PDE4D: variants seen among roughly 807,000 people sequenced by gnomAD.
PDE4D encodes the protein phosphodiesterase 4D.
PDE4D carries 24 observed loss-of-function variants against 87.4 expected under a neutral mutation model. The ratio of observed to expected loss-of-function variants is 0.27; its 90% CI spans 0.20 to 0.39. The LOEUF (loss-of-function observed/expected upper bound fraction) is 0.39. Ranked by LOEUF, PDE4D falls within the 10% of genes least tolerant of loss-of-function variation. The pLI is 1.00. For missense variants in PDE4D, 714 were observed against 1,041.0 expected (o/e 0.69, Z 4.32); for synonymous variants, 384 against 383.2 (o/e 1.00, Z -0.02).
intron 1 of PDE4D, among the ~76,000 whole-genome samples, chr5:59,762,854 G>GATATTTAT (rs1762309365): frequency 1.9e-5 from 1 of 51,688 alleles, no homozygotes; most frequent in African/African-American, 7.3e-5. Context: ...ACTGCTTAAG[G>GATATTTAT]ATATATATAT....
chr5:59,387,199 G>T (rs1787251375), intron 1 of PDE4D, among the ~76,000 whole-genome samples: 1 of 152,052 alleles, frequency 6.6e-6, no homozygotes, highest in African/African-American at 2.4e-5. Flanking sequence ...ATTTAATAAA[G>T]TTTGGAATAT....
chr5:60,284,031 G>A (rs890583245), intron 1 of PDE4D, among the ~76,000 whole-genome samples: 9 of 152,130 alleles, frequency 5.9e-5, no homozygotes, highest in Admixed American at 1.3e-4. Context: ...CACAGTGAAC[G>A]GAAAGATGAG....
intron 1 of PDE4D, among the ~76,000 whole-genome samples, chr5:60,234,343 CTTG>C (rs1468616130): frequency 6.6e-6 from 1 of 151,748 alleles, no homozygotes; most frequent in Middle Eastern, 3.2e-3. Context: ...TGTCACCTCA[CTTG>C]TTGATAGGCA....
intron 3 of PDE4D, among the ~76,000 whole-genome samples, chr5:59,940,240 G>A (rs1285250082): frequency 6.6e-6 from 1 of 152,128 alleles, no homozygotes; most frequent in Admixed American, 6.5e-5. Flanking sequence ...CAGGAGTTTC[G>A]GTTTCTTTCC....
rs1554062040 is a variant in PDE4D at position 59,073,508 on chromosome 5, G to GGGGT, written c.809-34538_809-34537insACCC. On this transcript the variant is annotated intron_variant, in intron 5 of 14. Transcript: ENST00000340635. Reference sequence around the variant, plus strand: ...AGATACAGAAAATAAAGTGGGGGGCGGGGGGGGCGGGTGGTTGGAGATGAG... The same window carrying GGGGT: ...AGATACAGAAAATAAAGTGGGGGGCGGGGTGGGGGGGCGGGTGGTTGGAGATGAG... Among the ~76,000 whole-genome samples, 2 of 74,158 alleles carry GGGGT rather than the reference G, an allele frequency of 2.7e-5. 1 individual carries two copies. The highest frequency in any genetic ancestry group is 6.1e-5 in the Non-Finnish European group (2 of 32,686). 48.7% of individuals were successfully genotyped at this position (74,158 alleles called of 152,430 possible).
intron 5 of PDE4D, 72 bp from the exon 6 acceptor site, chr5:59,039,043 G>C: frequency 6.6e-7 from 1 of 1,522,566 alleles, no homozygotes; most frequent in Non-Finnish European, 8.8e-7. Context: ...TTCAAAGGGG[G>C]CCATCCTGCC....
chr5:59,536,856 G>A (rs1267748204), intron 1 of PDE4D, among the ~76,000 whole-genome samples: 1 of 151,896 alleles, frequency 6.6e-6, no homozygotes, highest in Non-Finnish European at 1.5e-5. Context: ...CACAAATTTG[G>A]TACAACCTAC....
At chr5:59,260,580 G>A (rs370588761) in intron 1 of PDE4D, among the ~76,000 whole-genome samples, 12 of 151,724 alleles carry the variant, frequency 7.9e-5, no homozygotes, top group African/African-American at 2.7e-4. Flanking sequence ...TTTGTGTATT[G>A]GAAATTTAGA....
At chr5:59,237,433 A>G (rs1756682354) in intron 1 of PDE4D, among the ~76,000 whole-genome samples, 1 of 152,130 alleles carries the variant, frequency 6.6e-6, no homozygotes, top group Non-Finnish European at 1.5e-5. Context: ...ATTTTTTGTC[A>G]ACCCATTTTA....
intron 1 of PDE4D, among the ~76,000 whole-genome samples, chr5:60,374,107 T>C (rs965047881): frequency 6.6e-6 from 1 of 152,178 alleles, no homozygotes; most frequent in African/African-American, 2.4e-5. Context: ...TTCCTTTCCT[T>C]GAAAGATACA....
intron 1 of PDE4D, among the ~76,000 whole-genome samples, chr5:59,399,227 A>G (rs1252573361): frequency 7.4e-6 from 1 of 134,876 alleles, no homozygotes; most frequent in Non-Finnish European, 1.7e-5. Context: ...ATTGGAAAAA[A>G]CTACTTTAAA....
chr5:59,968,019 T>A (rs898868986), intron 3 of PDE4D, among the ~76,000 whole-genome samples: 9 of 143,630 alleles, frequency 6.3e-5, no homozygotes, highest in Non-Finnish European at 1.4e-4. Context: ...AGTTTCACTC[T>A]TATTGCCCAG....
At chr5:59,650,836 C>A (rs1358974757) in intron 1 of PDE4D, among the ~76,000 whole-genome samples, 1 of 152,078 alleles carries the variant, frequency 6.6e-6, no homozygotes, top group Admixed American at 6.6e-5. Context: ...GCCTCAGAAG[C>A]TGTGCAATAG....
At chr5:59,448,394 A>T (rs924458525) in intron 1 of PDE4D, among the ~76,000 whole-genome samples, 4 of 152,156 alleles carry the variant, frequency 2.6e-5, no homozygotes, top group African/African-American at 9.7e-5. Flanking sequence ...TTACTCCCTT[A>T]GTAAGCAGTG....
intron 1 of PDE4D, among the ~76,000 whole-genome samples, chr5:60,311,481 AAGG>A (rs1188072352): frequency 6.6e-6 from 1 of 152,256 alleles, no homozygotes; most frequent in Non-Finnish European, 1.5e-5. Flanking sequence ...TTCATAAACA[AAGG>A]AGAAGTATAA....
intron 1 of PDE4D, among the ~76,000 whole-genome samples, chr5:59,262,441 C>CT (rs1032074830): frequency 4.0e-4 from 61 of 151,158 alleles, no homozygotes; most frequent in African/African-American, 1.1e-3. Flanking sequence ...TAATTTCCTT[C>CT]TTTTTTTTTA....
intron 1 of PDE4D, among the ~76,000 whole-genome samples, chr5:59,434,962 C>T (rs969824176): frequency 6.6e-6 from 1 of 152,134 alleles, no homozygotes; most frequent in African/African-American, 2.4e-5. Flanking sequence ...TTATTATACT[C>T]ATTTTTCAGA....
intron 5 of PDE4D, among the ~76,000 whole-genome samples, chr5:59,068,770 T>C (rs1304873547): frequency 6.6e-6 from 1 of 152,196 alleles, no homozygotes; most frequent in African/African-American, 2.4e-5. Context: ...AATCTAGCTA[T>C]GTACTCTTGG....
intron 1 of PDE4D, among the ~76,000 whole-genome samples, chr5:59,248,041 GTAAAAAAAA>G (rs1303831442): frequency 3.1e-4 from 15 of 47,854 alleles, no homozygotes; most frequent in Admixed American, 1.5e-3. Context: ...GTATCTATTA[GTAAAAAAAA>G]AAAAAAAAAA....
Sources: gnomAD v4.1 joint callset for allele counts (sites outside exome capture counted in the v4.1 genomes callset) on GRCh38, gnomAD v4.1.1 for gene constraint, MANE v1.5 for transcripts, NCBI Gene and HGNC (gene_info 2026-07-23, HGNC 2026-07-21) for gene names.